Variants in AUTS2 observed in about 807,000 individuals in gnomAD.
The protein encoded by AUTS2 is activator of transcription and developmental regulator AUTS2.
Under a neutral mutation model 112.4 loss-of-function variants are expected in AUTS2, and 17 were observed. The observed-to-expected ratio is 0.15, with a 90% CI of 0.10 to 0.23. The LOEUF (loss-of-function observed/expected upper bound fraction) is 0.23. Ranked by LOEUF, AUTS2 falls within the 10% of genes least tolerant of loss-of-function variation. AUTS2 has a pLI of 1.00. For missense variants in AUTS2, 1,510 were observed against 1,701.6 expected (o/e 0.89, Z 1.98); for synonymous variants, 751 against 702.7 (o/e 1.07, Z -1.09).
chr7:69,943,451 G>A (rs1218680343), intron 2 of AUTS2, among the ~76,000 whole-genome samples: 1 of 152,118 alleles, frequency 6.6e-6, no homozygotes, highest in Non-Finnish European at 1.5e-5. Flanking sequence ...ATTCTAAAAT[G>A]CCTGCAAACA....
At chr7:70,518,454 G>A (rs988773444) in intron 5 of AUTS2, among the ~76,000 whole-genome samples, 14 of 152,034 alleles carry the variant, frequency 9.2e-5, no homozygotes, top group African/African-American at 1.9e-4. Flanking sequence ...AGACCAAGGC[G>A]GGCGGATCAC....
At chr7:69,742,552 T>C (rs1439849310) in intron 1 of AUTS2, among the ~76,000 whole-genome samples, 6 of 152,216 alleles carry the variant, frequency 3.9e-5, no homozygotes, top group Non-Finnish European at 8.8e-5. Flanking sequence ...CTTTTTACAT[T>C]ATTTTCTTAA....
Position 70,309,365 on chromosome 7 carries a change from G to A in AUTS2, c.661-126387G>A, listed in dbSNP as rs1789633637. ...AAAATCATAAGACTTCTCTAATAGA[G>A]TTAGGTCATTAAAGAATATGAATAT... On this transcript the variant is annotated intron_variant, in intron 4 of 18. Transcript: ENST00000342771. Among the ~76,000 whole-genome samples the A allele has an allele frequency of 3.3e-5, 5 of 152,264 alleles. 1 individual carries two copies. The South Asian group carries it at 1.0e-3, about 32-fold the overall frequency.
rs555120174 is a variant in AUTS2, at chr7:70,398,346, T to C, written c.661-37406T>C. On this transcript the variant is annotated intron_variant, in intron 4 of 18. Coordinates refer to ENST00000342771, the MANE Select transcript of AUTS2 (RefSeq NM_015570.4). ...AATCTATAGCTCACTCTGAGGAGAATTAATACCTTATTGAGTCAAACCATG... is the reference window on the plus strand; with the variant it reads ...AATCTATAGCTCACTCTGAGGAGAACTAATACCTTATTGAGTCAAACCATG... 3.9e-5 allele frequency among the ~76,000 whole-genome samples: 6 copies of C among 152,342 alleles called. No homozygotes were observed. In the South Asian group the frequency reaches 1.2e-3, roughly 32 times the overall value.
intron 5 of AUTS2, among the ~76,000 whole-genome samples, chr7:70,552,196 T>C (rs1801042910): frequency 1.3e-5 from 2 of 152,168 alleles, no homozygotes; most frequent in Admixed American, 6.5e-5. Context: ...ATCTAATTTA[T>C]ACGCAGTTCC....
At chr7:70,164,378 T>C (rs1808273445) in intron 4 of AUTS2, among the ~76,000 whole-genome samples, 2 of 152,200 alleles carry the variant, frequency 1.3e-5, no homozygotes, top group South Asian at 4.1e-4. Flanking sequence ...TAGTATCCTA[T>C]CTAAAGTAGG....
chr7:70,582,088 A>G (rs565029609), intron 5 of AUTS2, among the ~76,000 whole-genome samples: 4 of 151,884 alleles, frequency 2.6e-5, no homozygotes, highest in African/African-American at 4.8e-5. Flanking sequence ...TTCAAGGTCA[A>G]ACATCTAGTT....
intron 1 of AUTS2, among the ~76,000 whole-genome samples, chr7:69,812,592 T>G (rs1562900143): frequency 6.6e-6 from 1 of 152,236 alleles, no homozygotes; most frequent in Admixed American, 6.5e-5. Flanking sequence ...GGCTCAGGGA[T>G]GCCCTTGGTG....
At chr7:70,167,919 GTA>G (rs2129578231) in intron 4 of AUTS2, among the ~76,000 whole-genome samples, 1 of 152,244 alleles carries the variant, frequency 6.6e-6, no homozygotes, top group Non-Finnish European at 1.5e-5. Flanking sequence ...CTGCACATGT[GTA>G]TATAATTGAT....
At chr7:69,927,190 A>G (rs1474233296) in intron 2 of AUTS2, among the ~76,000 whole-genome samples, 1 of 147,372 alleles carries the variant, frequency 6.8e-6, no homozygotes, top group African/African-American at 2.5e-5. Context: ...ATATATTTAT[A>G]TATATATATA....
intron 2 of AUTS2, among the ~76,000 whole-genome samples, chr7:70,070,603 C>A (rs1299471683): frequency 6.6e-6 from 1 of 151,600 alleles, no homozygotes; most frequent in Non-Finnish European, 1.5e-5. Flanking sequence ...CAGTGGCTTA[C>A]GCCTATAATC....
chr7:70,511,592 T>C (rs1205813387), intron 5 of AUTS2, among the ~76,000 whole-genome samples: 1 of 113,532 alleles, frequency 8.8e-6, no homozygotes, highest in Non-Finnish European at 1.8e-5. Context: ...TTTTTTTTTA[T>C]TGAGACAGAG....
At chr7:70,511,161 T>C (rs1799168132) in intron 5 of AUTS2, among the ~76,000 whole-genome samples, 1 of 152,014 alleles carries the variant, frequency 6.6e-6, no homozygotes, top group Admixed American at 6.6e-5. Context: ...TAATTTTTAA[T>C]TAGCATAGCA....
chr7:70,529,955 A>G (rs1800010641), intron 5 of AUTS2, among the ~76,000 whole-genome samples: 1 of 152,190 alleles, frequency 6.6e-6, no homozygotes, highest in African/African-American at 2.4e-5. Flanking sequence ...GAAAAGATAA[A>G]CAGTAGCTTG....
At chr7:70,257,386 C>T (rs1354226952) in intron 4 of AUTS2, among the ~76,000 whole-genome samples, 1 of 152,142 alleles carries the variant, frequency 6.6e-6, no homozygotes, top group Admixed American at 6.5e-5. Context: ...GGCACAATCT[C>T]GGCTCACTGC....
At chr7:69,758,035 G>A (rs767381305) in intron 1 of AUTS2, among the ~76,000 whole-genome samples, 11 of 152,240 alleles carry the variant, frequency 7.2e-5, no homozygotes, top group Non-Finnish European at 1.3e-4. Flanking sequence ...TCACAGCATA[G>A]GCGATCTTTG....
At chr7:70,492,969 TC>T (rs1430104683) in intron 5 of AUTS2, among the ~76,000 whole-genome samples, 1 of 152,204 alleles carries the variant, frequency 6.6e-6, no homozygotes, top group African/African-American at 2.4e-5. Context: ...TATCTGCCCT[TC>T]CCCCGTAAAC....
At chr7:70,164,848 G>A (rs1469323558) in intron 4 of AUTS2, among the ~76,000 whole-genome samples, 2 of 151,188 alleles carry the variant, frequency 1.3e-5, no homozygotes, top group African/African-American at 4.9e-5. Context: ...ACACACTCAC[G>A]TAAGATAAAA....
At chr7:70,511,667 C>A (rs1029333148) in intron 5 of AUTS2, among the ~76,000 whole-genome samples, 1 of 145,552 alleles carries the variant, frequency 6.9e-6, no homozygotes, top group African/African-American at 2.6e-5. Flanking sequence ...TCTCTGCCTC[C>A]CAGGTTCAAG....
Sources: allele counts gnomAD v4.1 joint callset (sites outside exome capture counted in the v4.1 genomes callset), GRCh38; gene constraint gnomAD v4.1.1; transcripts MANE v1.5; gene names NCBI Gene and HGNC (gene_info 2026-07-23, HGNC 2026-07-21).